The following TMEM74 variants were observed in gnomAD, a reference collection of about 807,000 sequenced individuals.
The protein encoded by TMEM74 is transmembrane protein 74.
Under a neutral mutation model 18.1 loss-of-function variants are expected in TMEM74, and 13 were observed. The ratio of observed to expected loss-of-function variants is 0.72; its 90% CI spans 0.47 to 1.14. The LOEUF (loss-of-function observed/expected upper bound fraction) is 1.14. TMEM74 is among the 50% of genes most tolerant of loss of function. The pLI is 0.00. For missense variants in TMEM74, 372 were observed against 375.9 expected, an observed-to-expected ratio of 0.99 and a Z score of 0.09; for synonymous variants, 159 against 146.6, an observed-to-expected ratio of 1.08 and a Z score of -0.61.
chr8:108,728,285 G>T (rs1813661234), intron 1 of TMEM74, among the ~76,000 whole-genome samples: 1 of 152,112 alleles, frequency 6.6e-6, no homozygotes, highest in African/African-American at 2.4e-5. Context: ...TGATAATGTA[G>T]GAGAGAGGGG....
chr8:108,776,038 A>G (rs868814031), downstream of TMEM74, among the ~76,000 whole-genome samples: 17 of 152,374 alleles, frequency 1.1e-4, no homozygotes, highest in African/African-American at 4.1e-4. Context: ...AAATATAAAC[A>G]CATGAACTCT....
chr8:108,690,255 T>A (rs1813211807), intron 1 of TMEM74, among the ~76,000 whole-genome samples: 1 of 152,172 alleles, frequency 6.6e-6, no homozygotes, highest in African/African-American at 2.4e-5. Flanking sequence ...AATGTGTTCA[T>A]CCATACATTT....
In TMEM74 at chr8:108,784,532, G is replaced by A. The variant is rs749970783; in HGVS notation, c.567C>T (p.Ile189=). ...ISAILFLVTG[I]LLVIISYIVP... is the part of the protein sequence containing the mutation. ...CGATGTAAGAGATGATCACGAGCAG[G>A]ATCCCAGTGACCAAGAACAAGATGG... Residue 189 remains isoleucine (I), a synonymous_variant, in exon 2 of 2, where the codon ATC becomes ATT. Transcript: ENST00000297459. 6.2e-7 allele frequency: 1 copy of A among 1,614,150 alleles called. No individual in the cohort carries two copies. The highest frequency in any genetic ancestry group is 2.2e-5 in the East Asian group (1 of 44,870).
At chr8:108,716,337 T>C (rs373878868) in intron 1 of TMEM74, among the ~76,000 whole-genome samples, 27 of 152,198 alleles carry the variant, frequency 1.8e-4, no homozygotes, top group East Asian at 1.4e-3. Context: ...TTTCAGTACA[T>C]TAAAACTATT....
chr8:108,623,200 G>A (rs6987101), intron 2 of TMEM74, among the ~76,000 whole-genome samples: 8,060 of 152,178 alleles, frequency 0.053, 291 homozygotes, highest in Non-Finnish European at 0.074. Flanking sequence ...CTGTGAGGAG[G>A]ATATGTGCTC....
intron 1 of TMEM74, among the ~76,000 whole-genome samples, chr8:108,742,060 A>C (rs1274619880): frequency 6.6e-6 from 1 of 152,176 alleles, no homozygotes; most frequent in Non-Finnish European, 1.5e-5. Flanking sequence ...AAAACTAAAT[A>C]CTGCATGTTC....
downstream of TMEM74, among the ~76,000 whole-genome samples, chr8:108,776,243 A>C (rs1814232499): frequency 6.6e-6 from 1 of 152,266 alleles, no homozygotes; most frequent in East Asian, 1.9e-4. Context: ...CTGTAATCCC[A>C]ACACTTCGGG....
At chr8:108,608,889 A>G (rs536492878) in intron 2 of TMEM74, 55 of 152,344 alleles carry the variant, frequency 3.6e-4, no homozygotes, top group African/African-American at 1.3e-3. Context: ...TCTGGTTATA[A>G]AAATTAAGGA....
chr8:108,739,576 T>C (rs995730158), intron 1 of TMEM74, among the ~76,000 whole-genome samples: 1 of 152,174 alleles, frequency 6.6e-6, no homozygotes, highest in African/African-American at 2.4e-5. Flanking sequence ...AACTAAGTAG[T>C]TCAAAACAGC....
chr8:108,777,018 G>C (rs192721271), downstream of TMEM74, among the ~76,000 whole-genome samples: 25 of 152,234 alleles, frequency 1.6e-4, no homozygotes, highest in East Asian at 3.9e-3. Context: ...GATAATGGTA[G>C]CTGTTATGAT....
At chr8:108,714,231 T>A (rs1358366105) in intron 1 of TMEM74, among the ~76,000 whole-genome samples, 1 of 152,108 alleles carries the variant, frequency 6.6e-6, no homozygotes, top group Non-Finnish European at 1.5e-5. Context: ...ACTAATCTGG[T>A]CTAAAAGAGA....
intron 1 of TMEM74, among the ~76,000 whole-genome samples, chr8:108,674,611 C>T (rs986090752): frequency 1.3e-5 from 2 of 152,154 alleles, no homozygotes; most frequent in Non-Finnish European, 2.9e-5. Flanking sequence ...TAAGGTCAGG[C>T]CTTGTCGGTA....
At chr8:108,626,083 CTTAG>C (rs1175901430) in intron 2 of TMEM74, among the ~76,000 whole-genome samples, 1 of 152,008 alleles carries the variant, frequency 6.6e-6, no homozygotes, top group Non-Finnish European at 1.5e-5. Context: ...ATTCAGGCTT[CTTAG>C]TTAGATTCAC....
intron 1 of TMEM74, among the ~76,000 whole-genome samples, chr8:108,786,838 A>G (rs1223802989): frequency 6.6e-6 from 1 of 152,180 alleles, no homozygotes. Context: ...TGAGACTTTC[A>G]GTTTATAACA....
chr8:108,769,959 T>C (rs563235782), intron 1 of TMEM74, among the ~76,000 whole-genome samples: 1 of 152,264 alleles, frequency 6.6e-6, no homozygotes, highest in Admixed American at 6.5e-5. Flanking sequence ...TCTTTTTTTT[T>C]TTTTAAACCT....
intron 1 of TMEM74, among the ~76,000 whole-genome samples, chr8:108,770,469 C>T (rs1298052249): frequency 1.3e-5 from 2 of 151,954 alleles, no homozygotes; most frequent in African/African-American, 4.8e-5. Flanking sequence ...TCATAAAAAC[C>T]CCAAAAGAAA....
At chr8:108,608,666 G>A (rs1812303907) in intron 3 of TMEM74, 1 of 152,146 alleles carries the variant, frequency 6.6e-6, no homozygotes, top group Non-Finnish European at 1.5e-5. Flanking sequence ...TTGTCCCTTA[G>A]GGCTGTTTGG....
chr8:108,756,650 G>GAGAA (rs71305914), intron 1 of TMEM74, among the ~76,000 whole-genome samples: 4,647 of 26,900 alleles, frequency 0.17, 635 homozygotes, highest in Admixed American at 0.21. Flanking sequence ...AAGAAAGAAA[G>GAGAA]AGAAAGAAAG....
chr8:108,672,663 C>CAG (rs1813015066), intron 1 of TMEM74, among the ~76,000 whole-genome samples: 2 of 152,164 alleles, frequency 1.3e-5, no homozygotes, highest in Admixed American at 1.3e-4. Flanking sequence ...AATTTAGTAT[C>CAG]CTTGTGATTT....
Sources: allele counts gnomAD v4.1 joint callset (sites outside exome capture counted in the v4.1 genomes callset), GRCh38; gene constraint gnomAD v4.1.1; transcripts MANE v1.5; gene names NCBI Gene and HGNC (gene_info 2026-07-23, HGNC 2026-07-21).